The following LYZL4 variants were observed in gnomAD, a reference collection of about 807,000 sequenced individuals.
LYZL4 encodes the protein lysozyme-like protein 4.
LYZL4 carries 13 observed loss-of-function variants against 17.6 expected under a neutral mutation model. That is an observed-to-expected ratio of 0.74 (90% CI 0.48 to 1.18). LYZL4 has a LOEUF of 1.18. LYZL4 is among the 50% of genes most tolerant of loss of function. The pLI, the probability that LYZL4 is intolerant of heterozygous loss-of-function variation, is 0.00. For missense variants in LYZL4, 174 were observed against 188.2 expected, an observed-to-expected ratio of 0.92 and a Z score of 0.44; for synonymous variants, 64 against 67.7, an observed-to-expected ratio of 0.95 and a Z score of 0.27.
the LYZL4 span, among the ~76,000 whole-genome samples, chr3:42,375,442 C>T: frequency 6.6e-6 from 1 of 152,204 alleles, no homozygotes; most frequent in Non-Finnish European, 1.5e-5. Context: ...AGCCATCCTG[C>T]CAAATGAGCG....
At chr3:42,382,961 C>T in the LYZL4 span, among the ~76,000 whole-genome samples, 107 of 152,186 alleles carry the variant, frequency 7.0e-4, no homozygotes, top group Non-Finnish European at 1.2e-3. Flanking sequence ...TGATGCTTGG[C>T]AGTGAGGGTA....
At chr3:42,407,670 T>C (rs1698783347) in intron 1 of LYZL4, among the ~76,000 whole-genome samples, 1 of 151,498 alleles carries the variant, frequency 6.6e-6, no homozygotes, top group Non-Finnish European at 1.5e-5. Flanking sequence ...ACTTTGGTGA[T>C]TAAATACATC....
the LYZL4 span, among the ~76,000 whole-genome samples, chr3:42,382,322 C>CTG: frequency 6.6e-6 from 1 of 152,128 alleles, no homozygotes; most frequent in South Asian, 2.1e-4. Flanking sequence ...AATTGTGTTT[C>CTG]TGTGTGTGTG....
chr3:42,370,809 A>G, the LYZL4 span, among the ~76,000 whole-genome samples: 1 of 152,070 alleles, frequency 6.6e-6, no homozygotes. Flanking sequence ...GTTGCTTGCA[A>G]CTCAGAATGC....
chr3:42,372,601 G>C, the LYZL4 span, among the ~76,000 whole-genome samples: 1 of 152,186 alleles, frequency 6.6e-6, no homozygotes, highest in Non-Finnish European at 1.5e-5. Flanking sequence ...GCATGCCTCA[G>C]CATTGTCCCC....
At chr3:42,407,789 G>A (rs545103381) in intron 1 of LYZL4, among the ~76,000 whole-genome samples, 5 of 151,366 alleles carry the variant, frequency 3.3e-5, no homozygotes, top group East Asian at 1.9e-4. Context: ...CCTCTTATGC[G>A]TCTTATTCCC....
At chr3:42,390,444 T>A in the LYZL4 span, among the ~76,000 whole-genome samples, 2 of 152,104 alleles carry the variant, frequency 1.3e-5, no homozygotes, top group African/African-American at 4.8e-5. Flanking sequence ...AACCTACCAA[T>A]AGCAAAGACC....
downstream of LYZL4, among the ~76,000 whole-genome samples, chr3:42,393,502 G>A (rs247422): frequency 0.21 from 31,321 of 152,132 alleles, 3,669 homozygotes; most frequent in Non-Finnish European, 0.26. Flanking sequence ...TCACCACTGT[G>A]TAGCTAGCGC....
intron 4 of LYZL4, among the ~76,000 whole-genome samples, chr3:42,402,288 A>C (rs974552265): frequency 6.6e-6 from 1 of 150,826 alleles, no homozygotes; most frequent in Non-Finnish European, 1.5e-5. Flanking sequence ...CCAGGGTGAC[A>C]GAGCAAGGCC....
At chr3:42,376,230 G>A in the LYZL4 span, among the ~76,000 whole-genome samples, 9 of 152,344 alleles carry the variant, frequency 5.9e-5, no homozygotes, top group South Asian at 4.1e-4. Flanking sequence ...TCCACCCTTC[G>A]CAGGGAGAAT....
chr3:42,387,715 T>G, the LYZL4 span, among the ~76,000 whole-genome samples: 2 of 152,142 alleles, frequency 1.3e-5, no homozygotes, highest in Non-Finnish European at 2.9e-5. Flanking sequence ...GAAACTTGCC[T>G]CACTTTCCAA....
At chr3:42,404,983 A>T (rs1161549664) in intron 3 of LYZL4, among the ~76,000 whole-genome samples, 2 of 152,206 alleles carry the variant, frequency 1.3e-5, no homozygotes, top group Non-Finnish European at 2.9e-5. Flanking sequence ...TTATGTTCAC[A>T]GAAACCGTAA....
At chr3:42,364,980 AT>A in the LYZL4 span, among the ~76,000 whole-genome samples, 1 of 152,106 alleles carries the variant, frequency 6.6e-6, no homozygotes, top group South Asian at 2.1e-4. Context: ...TCTGGGCATT[AT>A]GGCTCCCCAA....
In LYZL4 at chr3:42,397,288, A is replaced by C. The variant is rs944746795; in HGVS notation, c.418T>G (p.Trp140Gly). 6 of 1,570,148 alleles carry C rather than the reference A, an allele frequency of 3.8e-6. No individual in the cohort carries two copies. The highest frequency in any genetic ancestry group is 5.2e-6 in the Non-Finnish European group (6 of 1,157,216). ...GGCTACAGCTTGCAACCATCCAGCC[A>C]CCGTGCCAGGGTATCGGAGTACTGG... ...YCQYSDTLAR[W>G]LDGCKL Residue 140 changes from tryptophan to glycine, a missense_variant, in exon 5 of 5, where the codon TGG becomes GGG. Trp to Gly is a radical substitution (Grantham distance 184). Transcript: ENST00000287748.
chr3:42,363,532 A>AGTATTATTCTTTCAACTTTGCTGT, the LYZL4 span, among the ~76,000 whole-genome samples: 1 of 152,236 alleles, frequency 6.6e-6, no homozygotes, highest in East Asian at 1.9e-4. Flanking sequence ...GAGTGTTCAC[A>AGTATTATTCTTTCAACTTTGCTGT]GTATTATTCT....
intron 3 of LYZL4, among the ~76,000 whole-genome samples, chr3:42,406,071 A>G (rs1267638668): frequency 2.6e-5 from 4 of 152,188 alleles, no homozygotes; most frequent in Non-Finnish European, 5.9e-5. Flanking sequence ...GCCTAAGAGC[A>G]GTGGGCAAGC....
At chr3:42,403,746 A>C (rs547056482) in intron 4 of LYZL4, among the ~76,000 whole-genome samples, 6 of 152,354 alleles carry the variant, frequency 3.9e-5, no homozygotes, top group Non-Finnish European at 7.3e-5. Context: ...TAAAGGATAG[A>C]AATAATCAGA....
At chr3:42,388,821 C>A in the LYZL4 span, among the ~76,000 whole-genome samples, 1 of 152,070 alleles carries the variant, frequency 6.6e-6, no homozygotes, top group African/African-American at 2.4e-5. Context: ...AAACGGGTGA[C>A]CAATAGATAA....
At chr3:42,388,157 G>A in the LYZL4 span, among the ~76,000 whole-genome samples, 1 of 152,142 alleles carries the variant, frequency 6.6e-6, no homozygotes, top group African/African-American at 2.4e-5. Context: ...AACAAAAGGG[G>A]AGTCATATAC....
Sources: allele counts gnomAD v4.1 joint callset (sites outside exome capture counted in the v4.1 genomes callset), GRCh38; gene constraint gnomAD v4.1.1; transcripts MANE v1.5; gene names NCBI Gene and HGNC (gene_info 2026-07-23, HGNC 2026-07-21).